LRFN5: variants seen among roughly 807,000 people sequenced by gnomAD.
LRFN5 encodes the protein leucine rich repeat and fibronectin type III domain containing 5, also known as leucine-rich repeat and fibronectin type-III domain-containing protein 5.
Under a neutral mutation model 45.6 loss-of-function variants are expected in LRFN5, and 24 were observed. The ratio of observed to expected loss-of-function variants is 0.53; its 90% CI spans 0.38 to 0.74. The LOEUF is 0.74. Among genes scored for constraint, LRFN5 ranks in the 30% least tolerant of loss-of-function variants. LRFN5 has a pLI of 0.00. For synonymous variants in LRFN5, 340 were observed against 313.8 expected, an observed-to-expected ratio of 1.08 and a Z score of -0.88; for missense variants, 776 against 861.5, an observed-to-expected ratio of 0.90 and a Z score of 1.24.
chr14:41,631,615 A>G (rs1425238697), intron 1 of LRFN5, among the ~76,000 whole-genome samples: 1 of 152,156 alleles, frequency 6.6e-6, no homozygotes, highest in East Asian at 1.9e-4. Context: ...GTGGAATTTG[A>G]GAGGGAGGGC....
At chr14:41,669,330 T>C (rs796519757) in intron 1 of LRFN5, among the ~76,000 whole-genome samples, 3 of 152,064 alleles carry the variant, frequency 2.0e-5, no homozygotes, top group Admixed American at 6.5e-5. Context: ...GAAAAATTAT[T>C]TGCAATTAAT....
intron 2 of LRFN5, among the ~76,000 whole-genome samples, chr14:41,865,347 G>A (rs1190694079): frequency 6.6e-6 from 1 of 152,056 alleles, no homozygotes; most frequent in African/African-American, 2.4e-5. Context: ...TTGACAGGCT[G>A]TTTTTATGTA....
chr14:41,886,645 A>T lies in LRFN5; in HGVS notation c.20A>T (p.Tyr7Phe). 1.3e-6 allele frequency: 2 copies of T among 1,582,004 alleles called. No individual in the cohort carries two copies. The highest frequency in any genetic ancestry group is 2.0e-5 in the Admixed American group (1 of 51,042). ...TCTACAATGGAAAAAATTCTTTTTT[A>T]TCTGTTTCTCATTGGCATAGCAGTG... MEKILF[Y>F]LFLIGIAVKA... is the part of the protein sequence containing the mutation. The change falls in exon 3 of 6, where the codon TAT becomes TTT. Residue 7 changes from tyrosine to phenylalanine, a missense_variant. Coordinates refer to ENST00000298119, the MANE Select transcript of LRFN5 (RefSeq NM_152447.5).
chr14:41,861,177 A>G (rs1033768853), intron 2 of LRFN5, among the ~76,000 whole-genome samples: 1 of 152,194 alleles, frequency 6.6e-6, no homozygotes, highest in Admixed American at 6.5e-5. Context: ...ATATTTTGAG[A>G]CTGTAAAAAC....
intron 1 of LRFN5, among the ~76,000 whole-genome samples, chr14:41,764,027 A>C (rs1052620913): frequency 5.9e-5 from 9 of 151,614 alleles, no homozygotes; most frequent in African/African-American, 1.9e-4. Context: ...TAATATCAAC[A>C]AAAAAAAATC....
In LRFN5 at chr14:41,891,765, C is replaced by A; in HGVS notation, c.1901C>A (p.Thr634Asn). ...TTTSALPPSW[T>N]SSTSVSQKQK... is the part of the protein sequence containing the mutation. ...ACCTCTGCTTTGCCTCCTTCCTGGA[C>A]TTCAAGCACTTCTGTGTCCCAAAAG... Residue 634 changes from threonine to asparagine, a missense_variant, in exon 4 of 6, where the codon ACT (threonine) becomes AAT (asparagine). Thr to Asn is a moderately conservative substitution (Grantham distance 65). Transcript: ENST00000298119. The A allele has an allele frequency of 6.2e-7, 1 of 1,614,200 alleles. No individual in the cohort carries two copies. Among genetic ancestry groups the A allele is most frequent in the South Asian group, 1.1e-5 (1 of 91,088 alleles).
chr14:41,619,209 A>G (rs60484156), intron 1 of LRFN5, among the ~76,000 whole-genome samples: 265 of 152,246 alleles, frequency 1.7e-3, no homozygotes, highest in African/African-American at 6.1e-3. Context: ...TTTCTTTTGT[A>G]AATTAAATCG....
At chr14:41,787,887 G>A (rs75301810) in intron 2 of LRFN5, among the ~76,000 whole-genome samples, 1,831 of 152,046 alleles carry the variant, frequency 0.012, 9 homozygotes, top group Middle Eastern at 0.034. Context: ...TGTGCCTTTC[G>A]GGAGGTAATT....
chr14:41,859,299 A>G (rs942004427), intron 2 of LRFN5, among the ~76,000 whole-genome samples: 1 of 152,192 alleles, frequency 6.6e-6, no homozygotes, highest in Non-Finnish European at 1.5e-5. Context: ...GCAATTCTAA[A>G]TGATTTCATT....
intron 4 of LRFN5, among the ~76,000 whole-genome samples, chr14:41,897,089 A>AAAATAGAT (rs767875253): frequency 6.7e-6 from 1 of 148,478 alleles, no homozygotes; most frequent in African/African-American, 2.5e-5. Flanking sequence ...AGACTCTGTC[A>AAAATAGAT]AAATAAATAA....
intron 2 of LRFN5, among the ~76,000 whole-genome samples, chr14:41,806,001 C>T (rs753361714): frequency 2.0e-5 from 3 of 152,134 alleles, no homozygotes; most frequent in Non-Finnish European, 4.4e-5. Flanking sequence ...GCAAATTTCC[C>T]CCACAAAAGA....
chr14:41,899,183 T>G (rs530424301), intron 5 of LRFN5, among the ~76,000 whole-genome samples: 80 of 152,246 alleles, frequency 5.3e-4, no homozygotes, highest in South Asian at 1.0e-3. Context: ...CATCTCTGCT[T>G]TGTCCTGTAA....
At chr14:41,609,421 G>C (rs964355457) in intron 1 of LRFN5, among the ~76,000 whole-genome samples, 4 of 151,710 alleles carry the variant, frequency 2.6e-5, no homozygotes, top group African/African-American at 7.3e-5. Context: ...TTGGATTTGC[G>C]ACTGCCTAAT....
chr14:41,635,017 T>C (rs1879231251), intron 1 of LRFN5, among the ~76,000 whole-genome samples: 2 of 152,216 alleles, frequency 1.3e-5, no homozygotes, highest in Admixed American at 1.3e-4. Context: ...TAGAAGGCAA[T>C]CTTTACAATC....
intron 4 of LRFN5, among the ~76,000 whole-genome samples, chr14:41,897,135 T>A (rs765796673): frequency 6.7e-6 from 1 of 149,208 alleles, no homozygotes; most frequent in Non-Finnish European, 1.5e-5. Flanking sequence ...TAAATAAATA[T>A]TAAAAAATAG....
intron 2 of LRFN5, among the ~76,000 whole-genome samples, chr14:41,854,179 C>G (rs1889371702): frequency 6.6e-6 from 1 of 152,134 alleles, no homozygotes; most frequent in Non-Finnish European, 1.5e-5. Flanking sequence ...CAAGTGTTCT[C>G]ATTGTTCAAT....
At chr14:41,718,337 C>G (rs1250189715) in intron 1 of LRFN5, among the ~76,000 whole-genome samples, 2 of 152,090 alleles carry the variant, frequency 1.3e-5, no homozygotes, top group African/African-American at 2.4e-5. Flanking sequence ...ATCACCAGTA[C>G]AAGTGATAAC....
chr14:41,835,802 G>A (rs1888642024), intron 2 of LRFN5, among the ~76,000 whole-genome samples: 1 of 151,992 alleles, frequency 6.6e-6, no homozygotes, highest in Non-Finnish European at 1.5e-5. Flanking sequence ...TGGAAATGCA[G>A]ATAAAAATCT....
intron 2 of LRFN5, among the ~76,000 whole-genome samples, chr14:41,772,152 A>C (rs1428561098): frequency 6.6e-6 from 1 of 152,074 alleles, no homozygotes; most frequent in Non-Finnish European, 1.5e-5. Context: ...AAACAACCAG[A>C]TCTTGCATGA....
Sources: allele counts gnomAD v4.1 joint callset (sites outside exome capture counted in the v4.1 genomes callset), GRCh38; gene constraint gnomAD v4.1.1; transcripts MANE v1.5; gene names NCBI Gene and HGNC (gene_info 2026-07-23, HGNC 2026-07-21).